FRMPD4: variants seen among roughly 807,000 people sequenced by gnomAD.
FRMPD4 encodes the protein FERM and PDZ domain containing 4.
In FRMPD4, 22 loss-of-function variants were observed where a neutral mutation model predicts 94.1. The observed-to-expected ratio is 0.23, with a 90% CI of 0.17 to 0.33. The LOEUF (loss-of-function observed/expected upper bound fraction) is 0.33, where lower values mean the gene tolerates loss of function less well. Among genes scored for constraint, FRMPD4 ranks in the 10% least tolerant of loss-of-function variants. FRMPD4 has a pLI of 1.00. For missense variants in FRMPD4, 1,111 were observed against 1,339.9 expected (o/e 0.83, Z 2.67); for synonymous variants, 631 against 548.6 (o/e 1.15, Z -2.10).
At chrX:12,018,856 A>G (rs755354158) in intron 3 of FRMPD4, among the ~76,000 whole-genome samples, 17 of 112,128 alleles carry the variant, frequency 1.5e-4, no homozygotes, top group Non-Finnish European at 3.0e-4. Context: ...TAGGACTTCA[A>G]CATATCTTTT....
chrX:12,550,355 T>G (rs998821946), intron 2 of FRMPD4, among the ~76,000 whole-genome samples: 5 of 49,650 alleles, frequency 1.0e-4, no homozygotes, highest in African/African-American at 2.7e-4. Flanking sequence ...CAAGCCAAAA[T>G]GTAAAAAAAA....
intron 1 of FRMPD4, among the ~76,000 whole-genome samples, chrX:12,478,645 T>C (rs1425221595): frequency 9.0e-6 from 1 of 111,570 alleles, no homozygotes; most frequent in South Asian, 3.8e-4. Flanking sequence ...TTTTTGTCTT[T>C]AATGTGTCAA....
chrX:12,299,325 AGAAGAAGAAGAC>A (rs1207042220), intron 1 of FRMPD4, among the ~76,000 whole-genome samples: 1 of 110,587 alleles, frequency 9.0e-6, no homozygotes, highest in Non-Finnish European at 1.9e-5. Flanking sequence ...AAGAGGAAGA[AGAAGAAGAAGAC>A]GAAGAAGAAG....
chrX:12,314,959 A>G (rs1487822036), intron 1 of FRMPD4, among the ~76,000 whole-genome samples: 1 of 112,520 alleles, frequency 8.9e-6, no homozygotes, highest in East Asian at 2.8e-4. Flanking sequence ...AGAAACATAA[A>G]TGTGCCACAA....
intron 2 of FRMPD4, among the ~76,000 whole-genome samples, chrX:12,565,603 T>C (rs2058704381): frequency 9.0e-6 from 1 of 111,426 alleles, no homozygotes; most frequent in Non-Finnish European, 1.9e-5. Context: ...TCACAAAAAA[T>C]AGGGAAAGAC....
intron 1 of FRMPD4, chrX:12,373,403 T>A (rs1268757431): frequency 8.9e-6 from 1 of 112,300 alleles, no homozygotes; most frequent in Non-Finnish European, 1.9e-5. Context: ...AATAATCAGA[T>A]GCTGAATGCC....
chrX:11,954,389 T>C (rs2054243111), intron 3 of FRMPD4, among the ~76,000 whole-genome samples: 1 of 112,401 alleles, frequency 8.9e-6, no homozygotes, highest in African/African-American at 3.2e-5. Context: ...CAATATGTCA[T>C]GCTGGTGAAC....
chrX:12,416,824 G>C (rs1475047041), intron 1 of FRMPD4, among the ~76,000 whole-genome samples: 1 of 111,375 alleles, frequency 9.0e-6, no homozygotes, highest in Non-Finnish European at 1.9e-5. Flanking sequence ...CTTTCCTTTA[G>C]CCACTTTACA....
chrX:12,267,370 C>T (rs1403679690), intron 1 of FRMPD4, among the ~76,000 whole-genome samples: 1 of 112,145 alleles, frequency 8.9e-6, no homozygotes, highest in Non-Finnish European at 1.9e-5. Flanking sequence ...AATTTTCCCC[C>T]TTTTATAATA....
intron 2 of FRMPD4, among the ~76,000 whole-genome samples, chrX:12,555,520 G>A (rs1040613705): frequency 8.9e-6 from 1 of 112,049 alleles, no homozygotes; most frequent in East Asian, 2.8e-4. Flanking sequence ...ATAAACTGAT[G>A]GATTCAGAAG....
At chrX:12,133,354 G>A (rs1430649960) in intron 3 of FRMPD4, among the ~76,000 whole-genome samples, 3 of 110,155 alleles carry the variant, frequency 2.7e-5, no homozygotes, top group African/African-American at 9.9e-5. Flanking sequence ...TTTCAGGCCT[G>A]AGCTACTGCA....
chrX:11,930,249 G>A (rs994372070), intron 3 of FRMPD4, among the ~76,000 whole-genome samples: 1 of 110,839 alleles, frequency 9.0e-6, no homozygotes, highest in East Asian at 2.8e-4. Flanking sequence ...AGGGATGCAG[G>A]GAAAAGAGAT....
At position 12,186,266 on chromosome X, in the gene FRMPD4, C is replaced by T. The variant is rs369289188; in HGVS notation, c.41+47254C>T. Among the ~76,000 whole-genome samples the T allele has an allele frequency of 9.0e-5, 10 of 111,471 alleles. No individual in the cohort carries two copies. The East Asian group carries it at 2.8e-3, about 31-fold the overall frequency. On this transcript the variant is annotated intron_variant, in intron 1 of 16. Coordinates refer to ENST00000675598, the MANE Select transcript of FRMPD4 (RefSeq NM_001368397.1). ...GCAGCATACTTATCAAACAAAGAAA[C>T]AGTGAAGGTTAATTCTTTCTACTGT...
At chrX:12,711,914 G>T (rs924582937) in intron 14 of FRMPD4, among the ~76,000 whole-genome samples, 1 of 110,791 alleles carries the variant, frequency 9.0e-6, no homozygotes, top group South Asian at 3.9e-4. Flanking sequence ...CACGCATACA[G>T]ACTCACACAC....
At chrX:12,526,826 TAA>T (rs1368122345) in intron 2 of FRMPD4, among the ~76,000 whole-genome samples, 5 of 112,492 alleles carry the variant, frequency 4.4e-5, no homozygotes, top group Admixed American at 9.4e-5. Context: ...TCTTATGCTT[TAA>T]AATAATGTTG....
chrX:11,954,672 A>G (rs1341349496), intron 3 of FRMPD4, among the ~76,000 whole-genome samples: 1 of 111,861 alleles, frequency 8.9e-6, no homozygotes, highest in Non-Finnish European at 1.9e-5. Context: ...CCTCTATAAA[A>G]TAATGGAAAT....
chrX:12,331,184 T>C (rs1401845839), intron 1 of FRMPD4, among the ~76,000 whole-genome samples: 6 of 109,504 alleles, frequency 5.5e-5, no homozygotes, highest in Non-Finnish European at 7.6e-5. Context: ...AAAATACATA[T>C]ATTGTTAAGG....
rs1287415133 is a variant in FRMPD4, at chrX:12,722,288, C to A, written c.*430C>A. On this transcript the variant is annotated 3_prime_UTR_variant, in exon 17 of 17. Coordinates refer to ENST00000675598, the MANE Select transcript of FRMPD4 (RefSeq NM_001368397.1). ...AAAAGAAATCACAATGTATATAAAA[C>A]AGTACTTATGTTTTAAAATTATGAT... 4 of 111,536 alleles carry A rather than the reference C, an allele frequency of 3.6e-5. No individual in the cohort carries two copies. The highest frequency in any genetic ancestry group is 1.3e-4 in the African/African-American group (4 of 30,631). The allele number at this position is 111,536 out of a possible 1,213,427, so 9.2% of individuals were successfully genotyped here.
At chrX:12,591,494 A>T (rs1251333629) in intron 2 of FRMPD4, among the ~76,000 whole-genome samples, 1 of 112,013 alleles carries the variant, frequency 8.9e-6, no homozygotes, top group Non-Finnish European at 1.9e-5. Flanking sequence ...ATCTGAGGTC[A>T]GCAAACTATG....
Sources: gnomAD v4.1 joint callset for allele counts (sites outside exome capture counted in the v4.1 genomes callset) on GRCh38, gnomAD v4.1.1 for gene constraint, MANE v1.5 for transcripts, NCBI Gene and HGNC (gene_info 2026-07-23, HGNC 2026-07-21) for gene names.